ZBTB7C: variants seen among roughly 807,000 people sequenced by gnomAD.
The protein encoded by ZBTB7C is zinc finger and BTB domain containing 7C.
ZBTB7C carries 8 observed loss-of-function variants against 25.7 expected under a neutral mutation model. That is an observed-to-expected ratio of 0.31 (90% confidence interval 0.18 to 0.56). The LOEUF (loss-of-function observed/expected upper bound fraction) is 0.56. ZBTB7C is among the 20% of genes least tolerant of loss of function. The pLI is 0.91. For missense variants in ZBTB7C, 824 were observed against 855.2 expected (o/e 0.96, Z 0.46); for synonymous variants, 394 against 369.0 (o/e 1.07, Z -0.78).
chr18:48,231,390 G>A (rs1011517711), intron 2 of ZBTB7C, among the ~76,000 whole-genome samples: 8 of 152,194 alleles, frequency 5.3e-5, no homozygotes, highest in Admixed American at 1.3e-4. Context: ...TGCCTGCAGA[G>A]AGGAGCTACC....
intron 2 of ZBTB7C, among the ~76,000 whole-genome samples, chr18:48,248,387 T>C (rs902099930): frequency 2.0e-5 from 3 of 152,194 alleles, no homozygotes; most frequent in Admixed American, 2.0e-4. Flanking sequence ...TGTTCCCATC[T>C]CAGGGCCTTT....
At position 48,402,125 on chromosome 18, in the gene ZBTB7C, G is replaced by A. The variant is rs569270485; in HGVS notation, c.-304+7101C>T. 1.4e-3 allele frequency among the ~76,000 whole-genome samples: 218 copies of A among 152,176 alleles called. 1 individual carries two copies. Among genetic ancestry groups the A allele is most frequent in the Non-Finnish European group, 1.3e-3 (87 of 68,006 alleles). On this transcript the variant is annotated intron_variant, in intron 1 of 4. Coordinates refer to ENST00000590800, the MANE Select transcript of ZBTB7C (RefSeq NM_001318841.2). ...GTGCCGGACACTCCTCTAAGCCCTG[G>A]GAACAGAGCAATGCAGGAAACAAAG...
At chr18:48,166,047 A>AT (rs889404044) in intron 3 of ZBTB7C, among the ~76,000 whole-genome samples, 10 of 151,984 alleles carry the variant, frequency 6.6e-5, no homozygotes, top group South Asian at 2.1e-4. Context: ...TAGGAGAATA[A>AT]TTTTTTTTTA....
chr18:48,301,681 C>T (rs1167687036), intron 2 of ZBTB7C, among the ~76,000 whole-genome samples: 2 of 152,038 alleles, frequency 1.3e-5, no homozygotes, highest in African/African-American at 4.8e-5. Context: ...TGGACACTAC[C>T]GAAAATGACT....
chr18:48,062,244 T>C (rs1171887531), intron 3 of ZBTB7C, among the ~76,000 whole-genome samples: 1 of 152,220 alleles, frequency 6.6e-6, no homozygotes, highest in Non-Finnish European at 1.5e-5. Context: ...TCCTGAGGGT[T>C]CATCATGTGA....
chr18:48,117,852 C>T (rs1475156503), intron 3 of ZBTB7C, among the ~76,000 whole-genome samples: 1 of 152,154 alleles, frequency 6.6e-6, no homozygotes, highest in Admixed American at 6.5e-5. Context: ...GGCATATCCA[C>T]TTCACTGTAC....
chr18:48,221,376 A>G (rs560802350), intron 2 of ZBTB7C, among the ~76,000 whole-genome samples: 2 of 135,112 alleles, frequency 1.5e-5, no homozygotes, highest in Admixed American at 1.5e-4. Flanking sequence ...TCTCCTCTAC[A>G]CTGTCCCTAG....
intron 3 of ZBTB7C, among the ~76,000 whole-genome samples, chr18:48,109,676 G>C (rs2039162278): frequency 6.6e-6 from 1 of 152,184 alleles, no homozygotes; most frequent in South Asian, 2.1e-4. Flanking sequence ...GAGTGACAAG[G>C]GAGGGAGCTG....
At chr18:48,107,638 G>A (rs1411038944) in intron 3 of ZBTB7C, among the ~76,000 whole-genome samples, 2 of 152,144 alleles carry the variant, frequency 1.3e-5, no homozygotes, top group African/African-American at 4.8e-5. Context: ...AGGAGAACCC[G>A]GTAGTGGGCG....
intron 2 of ZBTB7C, among the ~76,000 whole-genome samples, chr18:48,215,143 T>C (rs947782069): frequency 1.3e-5 from 2 of 152,216 alleles, no homozygotes; most frequent in East Asian, 3.8e-4. Flanking sequence ...ATAATCCTGC[T>C]CATGGAATCG....
intron 2 of ZBTB7C, among the ~76,000 whole-genome samples, chr18:48,283,917 C>T (rs1424507081): frequency 4.6e-5 from 7 of 151,608 alleles, no homozygotes; most frequent in African/African-American, 1.2e-4. Context: ...GAGGCAAAGG[C>T]GGGCAGATCA....
intron 2 of ZBTB7C, among the ~76,000 whole-genome samples, chr18:48,216,051 C>T (rs1355154062): frequency 2.0e-5 from 3 of 152,154 alleles, no homozygotes; most frequent in African/African-American, 4.8e-5. Context: ...TATAATAAGG[C>T]GTGTCCAACC....
chr18:48,228,456 C>A (rs2043161538), intron 2 of ZBTB7C, among the ~76,000 whole-genome samples: 1 of 152,128 alleles, frequency 6.6e-6, no homozygotes, highest in African/African-American at 2.4e-5. Context: ...GCTGGCCTTG[C>A]TGCGGATGGG....
At chr18:48,409,936 C>G (rs902382584), upstream of ZBTB7C, among the ~76,000 whole-genome samples, 1 of 152,040 alleles carries the variant, frequency 6.6e-6, no homozygotes, top group Non-Finnish European at 1.5e-5. Flanking sequence ...CCAGCGCAGG[C>G]TTGGGACCGC....
chr18:48,222,303 G>A (rs1478586216), intron 2 of ZBTB7C, among the ~76,000 whole-genome samples: 1 of 152,204 alleles, frequency 6.6e-6, no homozygotes, highest in East Asian at 1.9e-4. Context: ...CAGCTAAGGT[G>A]TGCTCCCTGC....
At chr18:48,219,893 GCAACAGAAC>G (rs896970953) in intron 2 of ZBTB7C, among the ~76,000 whole-genome samples, 1 of 152,150 alleles carries the variant, frequency 6.6e-6, no homozygotes, top group Non-Finnish European at 1.5e-5. Context: ...GGAGGCAATT[GCAACAGAAC>G]CAGACCAAAG....
At chr18:48,172,357 G>T (rs4940306) in intron 3 of ZBTB7C, among the ~76,000 whole-genome samples, 131,529 of 152,034 alleles carry the variant, frequency 0.87, 57,298 homozygotes, top group African/African-American at 0.95. Context: ...CAGGCAGGGG[G>T]GCACGGAGGG....
intron 2 of ZBTB7C, among the ~76,000 whole-genome samples, chr18:48,189,368 T>A (rs1277227120): frequency 6.6e-6 from 1 of 152,120 alleles, no homozygotes; most frequent in Non-Finnish European, 1.5e-5. Flanking sequence ...TGCCCTGGAT[T>A]TTTTTTCTTG....
At chr18:48,213,608 TC>T (rs1194656749) in intron 2 of ZBTB7C, among the ~76,000 whole-genome samples, 1 of 152,184 alleles carries the variant, frequency 6.6e-6, no homozygotes, top group African/African-American at 2.4e-5. Flanking sequence ...TTAATCTAGA[TC>T]AAATCTGAAA....
Sources: gnomAD v4.1 joint callset for allele counts (sites outside exome capture counted in the v4.1 genomes callset) on GRCh38, gnomAD v4.1.1 for gene constraint, MANE v1.5 for transcripts, NCBI Gene and HGNC (gene_info 2026-07-23, HGNC 2026-07-21) for gene names.